The following CEP55 variants were observed in gnomAD, a reference collection of about 807,000 sequenced individuals.
The protein encoded by CEP55 is centrosomal protein 55, also known as centrosomal protein of 55 kDa.
CEP55 carries 57 observed loss-of-function variants against 63.2 expected under a neutral mutation model. The ratio of observed to expected loss-of-function variants is 0.90; its 90% CI spans 0.73 to 1.13. CEP55 has a LOEUF of 1.13. Among genes scored for constraint, CEP55 ranks in the 50% most tolerant of loss-of-function variants. The pLI is 0.00. For missense variants in CEP55, 456 were observed against 518.9 expected (o/e 0.88, Z 1.18); for synonymous variants, 178 against 191.6 (o/e 0.93, Z 0.59).
intron 8 of CEP55, among the ~76,000 whole-genome samples, chr10:93,527,171 A>G (rs977253227): frequency 3.9e-5 from 6 of 152,050 alleles, no homozygotes; most frequent in African/African-American, 1.5e-4. Context: ...ATTTTTAACT[A>G]CTCCAAGTTC....
At chr10:93,503,973 C>CT (rs774307972) in intron 3 of CEP55, among the ~76,000 whole-genome samples, 137 of 138,544 alleles carry the variant, frequency 9.9e-4, no homozygotes, top group South Asian at 1.2e-3. Flanking sequence ...ATCTTAGTTT[C>CT]TTTTTTTTTT....
chr10:93,506,815 C>T (rs1046259469), intron 3 of CEP55, among the ~76,000 whole-genome samples, 173 bp from the exon 4 acceptor site: 1 of 152,174 alleles, frequency 6.6e-6, no homozygotes, highest in Admixed American at 6.5e-5. Flanking sequence ...CTCAAATGAT[C>T]CACCCTCCTT....
chr10:93,527,534 C>G (rs35570888), intron 8 of CEP55, among the ~76,000 whole-genome samples: 7,447 of 152,212 alleles, frequency 0.049, 305 homozygotes, highest in East Asian at 0.12. Context: ...AATCTGTCTA[C>G]AGTGCTGAAG....
At position 93,517,858 on chromosome 10, in the gene CEP55, G is replaced by A. The variant is rs183018815; in HGVS notation, c.993+610G>A. On this transcript the variant is annotated intron_variant, in intron 6 of 8. Coordinates refer to ENST00000371485, the MANE Select transcript of CEP55 (RefSeq NM_018131.5). Reference sequence around the variant, plus strand: ...GGCATCATGGAAGGAACATTATTTGGAATCCATGCCTAGTCTCTAGTCCAG... The same window carrying A: ...GGCATCATGGAAGGAACATTATTTGAAATCCATGCCTAGTCTCTAGTCCAG... Among the ~76,000 whole-genome samples, 421 of 152,292 alleles carry A rather than the reference G, an allele frequency of 2.8e-3. 3 individuals are homozygous for A. The highest frequency in any genetic ancestry group is 9.8e-3 in the African/African-American group (407 of 41,566).
intron 2 of CEP55, among the ~76,000 whole-genome samples, chr10:93,502,368 C>T (rs2134457160): frequency 6.6e-6 from 1 of 152,256 alleles, no homozygotes; most frequent in Admixed American, 6.5e-5. Context: ...AAATGAATAA[C>T]CATGCCCCTA....
chr10:93,523,288 C>A (rs1467909066), intron 8 of CEP55, among the ~76,000 whole-genome samples: 1 of 152,088 alleles, frequency 6.6e-6, no homozygotes, highest in Non-Finnish European at 1.5e-5. Context: ...GGGTTGCAAT[C>A]CTAATCTCTG....
chr10:93,527,620 C>A (rs1445396126), intron 8 of CEP55, among the ~76,000 whole-genome samples: 6 of 152,118 alleles, frequency 3.9e-5, no homozygotes, highest in Non-Finnish European at 7.3e-5. Context: ...AATCCCAACA[C>A]TTCGGGAGGC....
chr10:93,521,423 C>T (rs1477030553), intron 8 of CEP55, among the ~76,000 whole-genome samples: 1 of 152,032 alleles, frequency 6.6e-6, no homozygotes, highest in Non-Finnish European at 1.5e-5. Context: ...TGCTGAGGCT[C>T]GAGTAAGTAA....
intron 8 of CEP55, among the ~76,000 whole-genome samples, chr10:93,521,871 T>A (rs1384357063): frequency 1.3e-5 from 2 of 152,192 alleles, no homozygotes. Context: ...CCAAAAGACC[T>A]GCATCTGAGG....
intron 4 of CEP55, 82 bp downstream of exon 4, chr10:93,507,138 T>C (rs1480032266): frequency 2.6e-6 from 2 of 763,100 alleles, no homozygotes; most frequent in Non-Finnish European, 4.4e-6. Flanking sequence ...GCAACATTAG[T>C]GCTGTGACAG....
chr10:93,517,742 T>C (rs2057819196), intron 6 of CEP55, among the ~76,000 whole-genome samples: 1 of 152,264 alleles, frequency 6.6e-6, no homozygotes, highest in Admixed American at 6.5e-5. Context: ...TGCTATGGTA[T>C]CATAATAATG....
chr10:93,497,426 C>T (rs1173788067), intron 1 of CEP55, among the ~76,000 whole-genome samples: 1 of 152,068 alleles, frequency 6.6e-6, no homozygotes, highest in African/African-American at 2.4e-5. Flanking sequence ...CCACCACGCC[C>T]GGTTAATTTT....
intron 3 of CEP55, among the ~76,000 whole-genome samples, chr10:93,505,040 T>G (rs12766380): frequency 0.75 from 114,287 of 151,600 alleles, 44,708 homozygotes; most frequent in Non-Finnish European, 0.87. Flanking sequence ...TTGAACTCCT[T>G]ACCTCAGGTG....
chr10:93,516,715 T>C (rs1012975088), intron 5 of CEP55, among the ~76,000 whole-genome samples: 26 of 152,246 alleles, frequency 1.7e-4, no homozygotes, highest in African/African-American at 5.8e-4. Context: ...GAATAGATGT[T>C]ACTGTTTTTA....
intron 8 of CEP55, among the ~76,000 whole-genome samples, chr10:93,522,582 G>C (rs150190194): frequency 0.049 from 7,389 of 152,192 alleles, 301 homozygotes; most frequent in East Asian, 0.12. Flanking sequence ...AGGAAATACA[G>C]AGAATGCCAC....
intron 4 of CEP55, among the ~76,000 whole-genome samples, chr10:93,508,891 T>C (rs1267532744): frequency 6.6e-6 from 1 of 152,218 alleles, no homozygotes; most frequent in African/African-American, 2.4e-5. Context: ...AAATTTACAA[T>C]CTATTTAACT....
At position 93,529,081 on chromosome 10, in the gene CEP55, T is replaced by A. The variant is rs1299734918; in HGVS notation, c.*928T>A. 1 of 152,166 alleles carries A rather than the reference T, an allele frequency of 6.6e-6. No individual in the cohort carries two copies. The highest frequency in any genetic ancestry group is 1.5e-5 in the Non-Finnish European group (1 of 68,040). The allele number at this position is 152,166 out of a possible 1,614,324, so 9.4% of individuals were successfully genotyped here. A position where few individuals can be genotyped will look rare whatever the true frequency, so the allele number is the denominator to read the frequency against. On this transcript the variant is annotated 3_prime_UTR_variant, in exon 9 of 9. Transcript: ENST00000371485. ...GTAAATGAGAAAAGAATAAAATTAT[T>A]TAATGTTTTAATATGTCTAGTGTAT...
chr10:93,508,686 C>T (rs1009901825), intron 4 of CEP55, among the ~76,000 whole-genome samples: 9 of 152,318 alleles, frequency 5.9e-5, no homozygotes, highest in Non-Finnish European at 1.0e-4. Flanking sequence ...TCTGTTCCCT[C>T]TGCCTGGGAC....
intron 4 of CEP55, among the ~76,000 whole-genome samples, chr10:93,515,189 G>GA (rs910147293): frequency 1.3e-5 from 2 of 152,162 alleles, no homozygotes; most frequent in Non-Finnish European, 2.9e-5. Context: ...GTTGTGTACT[G>GA]AAAAAAGCAA....
Sources: allele counts gnomAD v4.1 joint callset (sites outside exome capture counted in the v4.1 genomes callset), GRCh38; gene constraint gnomAD v4.1.1; transcripts MANE v1.5; gene names NCBI Gene and HGNC (gene_info 2026-07-23, HGNC 2026-07-21).